The following TNFRSF10B variants were observed in gnomAD, a reference collection of about 807,000 sequenced individuals.
TNFRSF10B encodes TNF receptor superfamily member 10b.
Under a neutral mutation model 41.4 loss-of-function variants are expected in TNFRSF10B, and 35 were observed. The observed-to-expected ratio is 0.85, with a 90% confidence interval of 0.65 to 1.12. The LOEUF (loss-of-function observed/expected upper bound fraction) is 1.12, where lower values mean the gene tolerates loss of function less well. Among genes scored for constraint, TNFRSF10B ranks in the 50% most tolerant of loss-of-function variants. The pLI is 0.00. For synonymous variants in TNFRSF10B, 230 were observed against 215.5 expected (o/e 1.07, Z -0.59); for missense variants, 584 against 552.7 (o/e 1.06, Z -0.57).
At chr8:23,052,248 C>T (rs1812541412) in intron 1 of TNFRSF10B, among the ~76,000 whole-genome samples, 1 of 149,656 alleles carries the variant, frequency 6.7e-6, no homozygotes, top group Non-Finnish European at 1.5e-5. Flanking sequence ...CGTAGGAAAA[C>T]ATTCTTTCTA....
Position 23,028,342 on chromosome 8 carries a change from C to G in TNFRSF10B, c.737G>C (p.Gly246Ala), listed in dbSNP as rs779594561. 17 of 1,613,982 alleles carry G rather than the reference C, an allele frequency of 1.1e-5. No homozygotes were observed. The highest frequency in any genetic ancestry group is 7.7e-5 in the South Asian group (7 of 91,054). ...LWKKVLPYLK[G>A]ICSGGGGDPE... ...CAGCCAGCACCTACCTGAGCAGATG[C>G]CTTTCAGGTAAGGAAGGACTTTCTT... The change falls in exon 5 of 9, where the codon GGC (glycine) becomes GCC (alanine). Residue 246 changes from glycine to alanine, a missense_variant. Coordinates refer to ENST00000276431, the MANE Select transcript of TNFRSF10B (RefSeq NM_003842.5).
At chr8:23,048,808 G>C (rs968620235) in intron 1 of TNFRSF10B, among the ~76,000 whole-genome samples, 2 of 152,132 alleles carry the variant, frequency 1.3e-5, no homozygotes, top group African/African-American at 4.8e-5. Flanking sequence ...ATGTTGCCCA[G>C]GCTGGTCTTG....
chr8:23,042,606 C>T (rs924134532), intron 2 of TNFRSF10B, among the ~76,000 whole-genome samples: 4 of 152,216 alleles, frequency 2.6e-5, no homozygotes, highest in East Asian at 1.9e-4. Flanking sequence ...TCAAGATGTA[C>T]ATCCGATGCT....
chr8:23,057,821 A>G (rs1366794361), intron 1 of TNFRSF10B, among the ~76,000 whole-genome samples: 1 of 152,214 alleles, frequency 6.6e-6, no homozygotes, highest in Non-Finnish European at 1.5e-5. Flanking sequence ...TTCATGTCTT[A>G]TAATATTCTT....
intron 1 of TNFRSF10B, among the ~76,000 whole-genome samples, chr8:23,058,012 C>A (rs895139777): frequency 6.6e-6 from 1 of 151,980 alleles, no homozygotes; most frequent in Non-Finnish European, 1.5e-5. Flanking sequence ...TTGGGGAGGC[C>A]GAGGCGGGCA....
At chr8:23,051,998 T>C (rs1812531884) in intron 1 of TNFRSF10B, among the ~76,000 whole-genome samples, 1 of 152,222 alleles carries the variant, frequency 6.6e-6, no homozygotes, top group African/African-American at 2.4e-5. Context: ...AGAAGGAAGA[T>C]GGAGTCAGTT....
Position 23,022,120 on chromosome 8 carries a change from C to T in TNFRSF10B, c.*551G>A, listed in dbSNP as rs774446258. 12 of 429,140 alleles carry T rather than the reference C, an allele frequency of 2.8e-5. No homozygotes were observed. The highest frequency in any genetic ancestry group is 5.1e-5 in the Non-Finnish European group (11 of 216,292). The allele number at this position is 429,140 out of a possible 1,614,324, so 26.6% of individuals were successfully genotyped here. A position where few individuals can be genotyped will look rare whatever the true frequency, so the allele number is the denominator to read the frequency against. On this transcript the variant is annotated 3_prime_UTR_variant, in exon 9 of 9. Coordinates refer to ENST00000276431, the MANE Select transcript of TNFRSF10B (RefSeq NM_003842.5). ...GACAAAATACAAAAAATTAGCCGGG[C>T]GTGGTGGTGCACACCTGTGGTCCCA...
chr8:23,051,545 CT>C (rs1385112709), intron 1 of TNFRSF10B, among the ~76,000 whole-genome samples: 2,024 of 136,904 alleles, frequency 0.015, 39 homozygotes, highest in African/African-American at 0.05. Flanking sequence ...TAGTAAAATA[CT>C]CTTTTTTTTT....
In TNFRSF10B at chr8:23,038,151, G is replaced by A. The variant is rs183355322; in HGVS notation, c.250+4987C>T. 1.6e-3 allele frequency among the ~76,000 whole-genome samples: 246 copies of A among 152,316 alleles called. 5 individuals carry two copies. The highest frequency in any genetic ancestry group is 0.016 in the Admixed American group (242 of 15,298). On this transcript the variant is annotated intron_variant, in intron 2 of 8. Transcript: ENST00000276431. Reference sequence around the variant, plus strand: ...ATTGGACTGTTATTCCACAATGGACGTAAGGAAGAGGATGTCTAGAATACA... The same window carrying A: ...ATTGGACTGTTATTCCACAATGGACATAAGGAAGAGGATGTCTAGAATACA...
chr8:23,027,754 C>G lies in TNFRSF10B; in HGVS notation c.749-1G>C, dbSNP rs1262831842. ...ACACGCTCAGGGTCCCCACCACCAC[C>G]TAAAAAAGAAGCAGTCTCCTTAGCA... On this transcript the variant is annotated splice_acceptor_variant, in intron 5 of 8. Coordinates refer to ENST00000276431, the MANE Select transcript of TNFRSF10B (RefSeq NM_003842.5). LOFTEE classifies it high-confidence loss of function. The G allele has an allele frequency of 2.5e-6, 4 of 1,613,938 alleles. No individual in the cohort carries two copies. The highest frequency in any genetic ancestry group is 3.4e-6 in the Non-Finnish European group (4 of 1,180,008).
chr8:23,027,174 C>A lies in TNFRSF10B; in HGVS notation c.895G>T (p.Gly299Cys). ...TCCCCGGGGGACAACATGTTGACAC[C>A]TGTTGGCTCTGCTGGCTCCTGGACT... ...MEVQEPAEPT[G>C]VNMLSPGESE... The change falls in exon 7 of 9, where the codon GGT becomes TGT. Residue 299 changes from glycine (G) to cysteine (C), a missense_variant. Coordinates refer to ENST00000276431, the MANE Select transcript of TNFRSF10B (RefSeq NM_003842.5). 1.2e-6 allele frequency: 2 copies of A among 1,614,206 alleles called. No individual in the cohort carries two copies. The highest frequency in any genetic ancestry group is 1.7e-6 in the Non-Finnish European group (2 of 1,180,030).
chr8:23,021,897 T>C lies in TNFRSF10B; in HGVS notation c.*774A>G, dbSNP rs1485159300. ...TGTTTATCTAATCTATTCACATAAC[T>C]ATGTAAACAAGTACATTTACTAAAG... On this transcript the variant is annotated 3_prime_UTR_variant, in exon 9 of 9. Coordinates refer to ENST00000276431, the MANE Select transcript of TNFRSF10B (RefSeq NM_003842.5). 2 of 453,916 alleles carry C rather than the reference T, an allele frequency of 4.4e-6. No individual in the cohort carries two copies. The highest frequency in any genetic ancestry group is 8.8e-6 in the Non-Finnish European group (2 of 226,772). The allele number at this position is 453,916 out of a possible 1,614,324, so 28.1% of individuals were successfully genotyped here.
intron 1 of TNFRSF10B, among the ~76,000 whole-genome samples, chr8:23,063,159 C>A (rs1812879859): frequency 6.6e-6 from 1 of 152,036 alleles, no homozygotes; most frequent in Non-Finnish European, 1.5e-5. Context: ...ACTGGCCTGG[C>A]CAACATGGTG....
chr8:23,029,905 T>C (rs1811630881), intron 3 of TNFRSF10B, among the ~76,000 whole-genome samples, 184 bp from the exon 4 acceptor site: 1 of 152,096 alleles, frequency 6.6e-6, no homozygotes, highest in African/African-American at 2.4e-5. Flanking sequence ...TCACTAACAC[T>C]CGTTGAGTCA....
intron 1 of TNFRSF10B, among the ~76,000 whole-genome samples, chr8:23,056,797 A>T (rs560388824): frequency 6.6e-6 from 1 of 152,244 alleles, no homozygotes; most frequent in South Asian, 2.1e-4. Context: ...TTAGCATCCA[A>T]ATTTGGAGGT....
chr8:23,040,265 A>AT lies in TNFRSF10B; in HGVS notation c.250+2872_250+2873insA, dbSNP rs1563313816. On this transcript the variant is annotated intron_variant, in intron 2 of 8. Transcript: ENST00000276431. ...GTATATATTTAAATATATATTTATT[A>AT]AATATATATATAATATATATTTATT... Among the ~76,000 whole-genome samples, 20 of 121,002 alleles carry AT rather than the reference A, an allele frequency of 1.7e-4. 4 individuals are homozygous for AT. Among genetic ancestry groups the AT allele is most frequent in the Non-Finnish European group, 2.1e-4 (13 of 61,512 alleles). The allele number at this position is 121,002 out of a possible 152,430, so 79.4% of individuals were successfully genotyped here.
chr8:23,029,232 A>G (rs909664569), intron 4 of TNFRSF10B, among the ~76,000 whole-genome samples: 1 of 152,222 alleles, frequency 6.6e-6, no homozygotes, highest in Non-Finnish European at 1.5e-5. Context: ...CCCTGCATGC[A>G]TAAAAATATT....
At chr8:23,023,091 G>T in intron 8 of TNFRSF10B, 107 bp from the exon 9 acceptor site, 2 of 1,419,336 alleles carry the variant, frequency 1.4e-6, no homozygotes, top group Non-Finnish European at 1.9e-6. Flanking sequence ...AGAGCCCCGT[G>T]TGCGGGCAAA....
chr8:23,066,539 G>A (rs139729391), intron 1 of TNFRSF10B, among the ~76,000 whole-genome samples: 2 of 152,166 alleles, frequency 1.3e-5, no homozygotes, highest in East Asian at 1.9e-4. Flanking sequence ...ACATTCTAAC[G>A]TAAATATAAT....
Sources: allele counts gnomAD v4.1 joint callset (sites outside exome capture counted in the v4.1 genomes callset), GRCh38; gene constraint gnomAD v4.1.1; transcripts MANE v1.5; gene names NCBI Gene and HGNC (gene_info 2026-07-23, HGNC 2026-07-21).